PCP4: variants seen among roughly 807,000 people sequenced by gnomAD.
PCP4 encodes the protein calmodulin regulator protein PCP4.
Under a neutral mutation model 10.0 loss-of-function variants are expected in PCP4, and 8 were observed. That is an observed-to-expected ratio of 0.80 (90% confidence interval 0.47 to 1.45). The LOEUF (loss-of-function observed/expected upper bound fraction) is 1.45, where lower values mean the gene tolerates loss of function less well. Among genes scored for constraint, PCP4 ranks in the 40% most tolerant of loss-of-function variants. The pLI is 0.00. For missense variants in PCP4, 54 were observed against 74.4 expected (o/e 0.73, Z 1.01); for synonymous variants, 21 against 23.0 (o/e 0.91, Z 0.24).
At chr21:39,870,925 C>A (rs935355019) in intron 1 of PCP4, among the ~76,000 whole-genome samples, 1 of 152,166 alleles carries the variant, frequency 6.6e-6, no homozygotes, top group Admixed American at 6.5e-5. Context: ...AGACATTGGC[C>A]GCAGGGCAAG....
At chr21:39,888,015 T>C in intron 1 of PCP4, among the ~76,000 whole-genome samples, 1 of 152,230 alleles carries the variant, frequency 6.6e-6, no homozygotes, top group Non-Finnish European at 1.5e-5. Flanking sequence ...TCCCCTTTTT[T>C]ATGATCCATC....
chr21:39,895,158 T>TCCATCCAC (rs1258854462), intron 1 of PCP4, among the ~76,000 whole-genome samples: 1 of 152,010 alleles, frequency 6.6e-6, no homozygotes, highest in African/African-American at 2.4e-5. Flanking sequence ...CATCCATCCA[T>TCCATCCAC]CCATCCATCC....
chr21:39,916,283 A>G (rs1326604365), intron 2 of PCP4: 1 of 152,228 alleles, frequency 6.6e-6, no homozygotes, highest in Non-Finnish European at 1.5e-5. Flanking sequence ...TAAATAAACT[A>G]AAATCTTGCA....
At chr21:39,880,454 C>T (rs1023533363) in intron 1 of PCP4, among the ~76,000 whole-genome samples, 12 of 151,858 alleles carry the variant, frequency 7.9e-5, no homozygotes, top group African/African-American at 1.9e-4. Flanking sequence ...TCTGTGTGTG[C>T]GTGTGTGTGA....
At chr21:39,913,414 C>T (rs1568860173) in intron 2 of PCP4, among the ~76,000 whole-genome samples, 1 of 152,198 alleles carries the variant, frequency 6.6e-6, no homozygotes, top group Non-Finnish European at 1.5e-5. Flanking sequence ...ACATAAAATA[C>T]TCACTTACAA....
intron 2 of PCP4, among the ~76,000 whole-genome samples, chr21:39,924,288 G>C (rs2087610613): frequency 6.6e-6 from 1 of 152,122 alleles, no homozygotes; most frequent in East Asian, 1.9e-4. Context: ...ACCTAACACT[G>C]GGAGCCAGGT....
chr21:39,910,797 G>C (rs2087536168), intron 2 of PCP4, among the ~76,000 whole-genome samples: 1 of 152,230 alleles, frequency 6.6e-6, no homozygotes, highest in Admixed American at 6.5e-5. Flanking sequence ...CCCGGTTGCA[G>C]GGCCCCTGAG....
At chr21:39,878,826 G>A (rs2087358366) in intron 1 of PCP4, among the ~76,000 whole-genome samples, 1 of 152,152 alleles carries the variant, frequency 6.6e-6, no homozygotes, top group Middle Eastern at 3.4e-3. Flanking sequence ...CTCAGGGGAT[G>A]GGCTCAACCC....
intron 2 of PCP4, among the ~76,000 whole-genome samples, chr21:39,917,895 G>T (rs1001269650): frequency 1.3e-5 from 2 of 152,086 alleles, no homozygotes; most frequent in Admixed American, 1.3e-4. Flanking sequence ...AGGTCCTCAG[G>T]CTGGGCCCTC....
intron 2 of PCP4, among the ~76,000 whole-genome samples, chr21:39,902,802 A>G (rs2087487456): frequency 6.6e-6 from 1 of 152,182 alleles, no homozygotes; most frequent in African/African-American, 2.4e-5. Context: ...TCTATGAGCA[A>G]AGCACCTTCA....
intron 1 of PCP4, among the ~76,000 whole-genome samples, chr21:39,888,508 A>C (rs958638347): frequency 6.6e-6 from 1 of 152,146 alleles, no homozygotes; most frequent in Non-Finnish European, 1.5e-5. Context: ...TTTGGCAGGG[A>C]GGGAACTGAG....
At chr21:39,885,635 A>C (rs1303641249) in intron 1 of PCP4, among the ~76,000 whole-genome samples, 1 of 152,180 alleles carries the variant, frequency 6.6e-6, no homozygotes, top group East Asian at 1.9e-4. Flanking sequence ...CAGAGGGCAC[A>C]CACCCAAGCT....
chr21:39,893,586 C>T (rs2087443618), intron 1 of PCP4, among the ~76,000 whole-genome samples: 1 of 152,246 alleles, frequency 6.6e-6, no homozygotes, highest in African/African-American at 2.4e-5. Flanking sequence ...AGTCCCAGCT[C>T]ATGCACCACC....
At chr21:39,880,180 ATCTATATCTATCTATATC>A (rs1221122954) in intron 1 of PCP4, among the ~76,000 whole-genome samples, 146 of 141,164 alleles carry the variant, frequency 1.0e-3, no homozygotes, top group African/African-American at 4.3e-3. Context: ...CTATATCTAT[ATCTATATCTATCTATATC>A]TATTCCCTGT....
At chr21:39,898,640 G>A (rs771222337) in intron 2 of PCP4, 113 bp downstream of exon 2, 55 of 766,686 alleles carry the variant, frequency 7.2e-5, no homozygotes, top group Non-Finnish European at 9.9e-5. Context: ...ATGTGTCTGC[G>A]CTTCAGCTTA....
intron 1 of PCP4, among the ~76,000 whole-genome samples, chr21:39,895,775 C>T (rs1476785492): frequency 6.6e-6 from 1 of 152,220 alleles, no homozygotes; most frequent in East Asian, 1.9e-4. Flanking sequence ...GACACCCAGC[C>T]TGGTGTAGAC....
chr21:39,917,797 T>C (rs528706345), intron 2 of PCP4, among the ~76,000 whole-genome samples: 2 of 152,224 alleles, frequency 1.3e-5, no homozygotes, highest in African/African-American at 4.8e-5. Flanking sequence ...CCCTATCAAA[T>C]TCATGTGTTG....
intron 2 of PCP4, among the ~76,000 whole-genome samples, chr21:39,908,401 A>T (rs998893440): frequency 6.6e-6 from 1 of 152,152 alleles, no homozygotes; most frequent in African/African-American, 2.4e-5. Context: ...GTGAGGGTGG[A>T]TACAGAGCTG....
rs1555851259 is a variant in PCP4, at chr21:39,927,369, C to CTATCATCT, written c.62-1615_62-1614insTATCATCT. Among the ~76,000 whole-genome samples the CTATCATCT allele has an allele frequency of 2.0e-4, 13 of 65,144 alleles. No individual in the cohort carries two copies. The East Asian group carries it at 2.8e-3, about 14-fold the overall frequency. The allele number at this position is 65,144 out of a possible 152,430, so 42.7% of individuals were successfully genotyped here. ...TCTATCTATCTATCTATCTATCTAT[C>CTATCATCT]ATCTATCTATCTATCTATCTATCAT... On this transcript the variant is annotated intron_variant, in intron 2 of 2. Transcript: ENST00000328619.
Sources: gnomAD v4.1 joint callset for allele counts (sites outside exome capture counted in the v4.1 genomes callset) on GRCh38, gnomAD v4.1.1 for gene constraint, MANE v1.5 for transcripts, NCBI Gene and HGNC (gene_info 2026-07-23, HGNC 2026-07-21) for gene names.